Variants in SGMS1 observed in about 807,000 individuals in gnomAD.
SGMS1 encodes the protein phosphatidylcholine:ceramide cholinephosphotransferase 1.
SGMS1 carries 13 observed loss-of-function variants against 46.2 expected under a neutral mutation model. The ratio of observed to expected loss-of-function variants is 0.28; its 90% CI spans 0.18 to 0.45. The LOEUF is 0.45. SGMS1 is among the 20% of genes least tolerant of loss of function. SGMS1 has a pLI of 1.00. For missense variants in SGMS1, 324 were observed against 519.9 expected (o/e 0.62, Z 3.66); for synonymous variants, 203 against 187.8 (o/e 1.08, Z -0.66).
chr10:50,457,313 A>G (rs1340801593), intron 5 of SGMS1, among the ~76,000 whole-genome samples: 1 of 152,230 alleles, frequency 6.6e-6, no homozygotes, highest in Admixed American at 6.5e-5. Flanking sequence ...ATCAATGGCT[A>G]TATCTAAGTG....
At chr10:50,454,418 T>C (rs1837164634) in intron 5 of SGMS1, among the ~76,000 whole-genome samples, 1 of 150,998 alleles carries the variant, frequency 6.6e-6, no homozygotes, top group Non-Finnish European at 1.5e-5. Flanking sequence ...CTCACTAGAG[T>C]GGTGATAGAG....
chr10:50,602,389 TAGTCCTTATTTAACTC>T lies in SGMS1; in HGVS notation c.-683-12158_-683-12143del, dbSNP rs561949706. ...CATAGCATTTAAAGTTCTTTCAGGG[TAGTCCTTATTTAACTC>T]AGTCCTTATTTAACTAACACTTGTG... On this transcript the variant is annotated intron_variant, in intron 1 of 10. Transcript: ENST00000361781. Among the ~76,000 whole-genome samples, 109 of 152,352 alleles carry T rather than the reference TAGTCCTTATTTAACTC, an allele frequency of 7.2e-4. No homozygotes were observed. The East Asian group carries it at 0.019, about 27-fold the overall frequency.
intron 1 of SGMS1, among the ~76,000 whole-genome samples, chr10:50,608,547 C>T (rs1053364115): frequency 1.3e-5 from 2 of 152,200 alleles, no homozygotes; most frequent in African/African-American, 4.8e-5. Context: ...CACCCTTACA[C>T]CTCAGCCTCC....
chr10:50,424,644 T>C (rs1316117983), intron 6 of SGMS1, among the ~76,000 whole-genome samples: 2 of 152,150 alleles, frequency 1.3e-5, no homozygotes, highest in Non-Finnish European at 2.9e-5. Context: ...ATTTGCAAAC[T>C]ACGCATCTCA....
At chr10:50,329,690 T>C (rs941840012) in intron 7 of SGMS1, among the ~76,000 whole-genome samples, 29 of 152,320 alleles carry the variant, frequency 1.9e-4, no homozygotes, top group African/African-American at 6.7e-4. Flanking sequence ...ACAAAAGAAA[T>C]GTTAATGAGA....
intron 2 of SGMS1, among the ~76,000 whole-genome samples, chr10:50,536,737 G>A (rs1254734369): frequency 6.6e-6 from 1 of 151,882 alleles, no homozygotes; most frequent in Non-Finnish European, 1.5e-5. Flanking sequence ...CATACATTTT[G>A]TCCCATGTCA....
chr10:50,449,020 C>G (rs1837065787), intron 5 of SGMS1, among the ~76,000 whole-genome samples: 1 of 152,004 alleles, frequency 6.6e-6, no homozygotes, highest in Non-Finnish European at 1.5e-5. Flanking sequence ...CCACTACATA[C>G]CTATTGAAAT....
chr10:50,432,669 G>C (rs1011411811), intron 6 of SGMS1, among the ~76,000 whole-genome samples: 1 of 152,152 alleles, frequency 6.6e-6, no homozygotes, highest in Non-Finnish European at 1.5e-5. Flanking sequence ...ACAAATATAA[G>C]GAAGAAAAGT....
At chr10:50,582,511 T>G (rs1306686875) in intron 2 of SGMS1, among the ~76,000 whole-genome samples, 2 of 152,172 alleles carry the variant, frequency 1.3e-5, no homozygotes, top group Non-Finnish European at 2.9e-5. Flanking sequence ...AGGGTTCAAG[T>G]CACCTCCTGA....
At chr10:50,583,924 T>C (rs183618660) in intron 2 of SGMS1, among the ~76,000 whole-genome samples, 1 of 152,228 alleles carries the variant, frequency 6.6e-6, no homozygotes. Flanking sequence ...CTCCACATTA[T>C]GTAGAACAGA....
chr10:50,388,665 T>C (rs1488252451), intron 6 of SGMS1, among the ~76,000 whole-genome samples: 2 of 151,946 alleles, frequency 1.3e-5, no homozygotes, highest in African/African-American at 4.8e-5. Context: ...GCCTCACATA[T>C]AGCGAGCGCT....
chr10:50,585,970 T>C (rs185055503), intron 2 of SGMS1, among the ~76,000 whole-genome samples: 348 of 152,358 alleles, frequency 2.3e-3, no homozygotes, highest in African/African-American at 7.6e-3. Flanking sequence ...GCAAACTTTT[T>C]TGTAAAGGGC....
In SGMS1 at chr10:50,491,817, A is replaced by G. The variant is rs143829248; in HGVS notation, c.-497-24885T>C. 2.2e-3 allele frequency among the ~76,000 whole-genome samples: 337 copies of G among 152,304 alleles called. 2 individuals are homozygous for G. The highest frequency in any genetic ancestry group is 7.8e-3 in the African/African-American group (323 of 41,564). ...GAGGTACTCCTCCCAAACTCATTCT[A>G]TGAGGCCAGCATCATCCTGATACCA... is the stretch of plus-strand genomic sequence containing the variant. On this transcript the variant is annotated intron_variant, in intron 3 of 10. Transcript: ENST00000361781.
chr10:50,370,271 A>G lies in SGMS1; in HGVS notation c.-231-25926T>C, dbSNP rs562316348. Among the ~76,000 whole-genome samples the G allele has an allele frequency of 8.5e-5, 13 of 152,204 alleles. No individual in the cohort carries two copies. The South Asian group carries it at 2.5e-3, about 29-fold the overall frequency. Reference sequence around the variant, plus strand: ...TAACTTTATCTTACTGTAACATTTTACCTTATAAATTTTCTAATTTTTAAA... The same window carrying G: ...TAACTTTATCTTACTGTAACATTTTGCCTTATAAATTTTCTAATTTTTAAA... On this transcript the variant is annotated intron_variant, in intron 6 of 10. Coordinates refer to ENST00000361781, the MANE Select transcript of SGMS1 (RefSeq NM_147156.4).
intron 6 of SGMS1, among the ~76,000 whole-genome samples, chr10:50,428,305 C>G (rs543684418): frequency 6.6e-6 from 1 of 152,188 alleles, no homozygotes; most frequent in Admixed American, 6.5e-5. Flanking sequence ...GCAGGCCATA[C>G]CTATTAAAGT....
intron 1 of SGMS1, among the ~76,000 whole-genome samples, chr10:50,594,833 T>C (rs556460383): frequency 6.6e-6 from 1 of 152,330 alleles, no homozygotes; most frequent in African/African-American, 2.4e-5. Flanking sequence ...TGGCAGTAGA[T>C]AATCAAAATA....
chr10:50,439,244 A>G (rs995856273), intron 5 of SGMS1, among the ~76,000 whole-genome samples: 2 of 152,210 alleles, frequency 1.3e-5, no homozygotes, highest in Non-Finnish European at 2.9e-5. Flanking sequence ...TGTAGCTTTG[A>G]CAAATCAAGT....
chr10:50,458,730 A>C (rs1424810252), intron 5 of SGMS1, among the ~76,000 whole-genome samples: 1 of 152,052 alleles, frequency 6.6e-6, no homozygotes, highest in African/African-American at 2.4e-5. Context: ...TTCATCTTTC[A>C]GTGAGGTTGA....
intron 3 of SGMS1, among the ~76,000 whole-genome samples, chr10:50,502,094 G>A (rs1001745748): frequency 6.6e-6 from 1 of 152,052 alleles, no homozygotes; most frequent in African/African-American, 2.4e-5. Flanking sequence ...CCTGCTGGCT[G>A]TCAACAGGAA....
Sources: allele counts gnomAD v4.1 joint callset (sites outside exome capture counted in the v4.1 genomes callset), GRCh38; gene constraint gnomAD v4.1.1; transcripts MANE v1.5; gene names NCBI Gene and HGNC (gene_info 2026-07-23, HGNC 2026-07-21).